ZKSCAN4: variants seen among roughly 807,000 people sequenced by gnomAD.
ZKSCAN4 encodes the protein zinc finger protein with KRAB and SCAN domains 4.
In ZKSCAN4, 23 loss-of-function variants were observed where a neutral mutation model predicts 30.8. That is an observed-to-expected ratio of 0.75 (90% CI 0.54 to 1.06). ZKSCAN4 has a LOEUF of 1.06. ZKSCAN4 is among the 50% of genes least tolerant of loss of function. The probability of loss-of-function intolerance (pLI) is 0.00; values close to 1 mark genes in which losing one functional copy is unlikely to be tolerated. For missense variants in ZKSCAN4, 556 were observed against 665.4 expected (o/e 0.84, Z 1.81); for synonymous variants, 208 against 252.5 (o/e 0.82, Z 1.67).
At position 28,243,622 on chromosome 6, in the gene ZKSCAN4, C is replaced by G. The variant is rs1222940598; in HGVS notation, c.*1494G>C. On this transcript the variant is annotated 3_prime_UTR_variant, in exon 5 of 5. Transcript: ENST00000377294. ...TTGTACAATCTTTTTCATCAGATAC[C>G]TAGGATTCCCAATGTGCTTCTGAAC... Among the ~76,000 whole-genome samples, 1 of 151,856 alleles carries G rather than the reference C, an allele frequency of 6.6e-6. No individual in the cohort carries two copies. The highest frequency in any genetic ancestry group is 1.9e-4 in the East Asian group (1 of 5,202).
chr6:28,248,859 A>G (rs1327747791), intron 2 of ZKSCAN4, among the ~76,000 whole-genome samples: 2 of 151,752 alleles, frequency 1.3e-5, no homozygotes, highest in Non-Finnish European at 2.9e-5. Context: ...AAAGAAAAAG[A>G]AAAACTAGGA....
intron 2 of ZKSCAN4, among the ~76,000 whole-genome samples, chr6:28,248,918 G>C (rs1760871800): frequency 6.6e-6 from 1 of 151,984 alleles, no homozygotes. Context: ...AAGACTGGAA[G>C]ACTGCTTAAA....
chr6:28,252,081 T>TC lies in ZKSCAN4; in HGVS notation c.-102dup. ...AATTTTCCAGTAGAACTGCAAGTGG[T>TC]CCCCCTCCTGTCATGCCCAGGGGCC... On this transcript the variant is annotated 5_prime_UTR_variant, in exon 1 of 5. An upstream open reading frame in the 5' UTR loses its in-frame stop. Transcript: ENST00000377294. 7.5e-7 allele frequency: 1 copy of TC among 1,331,678 alleles called. No homozygotes were observed. The highest frequency in any genetic ancestry group is 1.0e-6 in the Non-Finnish European group (1 of 984,194). The allele number at this position is 1,331,678 out of a possible 1,614,324, so 82.5% of individuals were successfully genotyped here. A position where few individuals can be genotyped will look rare whatever the true frequency, so the allele number is the denominator to read the frequency against.
upstream of ZKSCAN4, among the ~76,000 whole-genome samples, chr6:28,252,581 C>T (rs981861050): frequency 2.6e-5 from 4 of 152,130 alleles, no homozygotes; most frequent in African/African-American, 9.7e-5. Context: ...GCCCCAAGAA[C>T]CCTGGCAGGG....
Position 28,252,109 on chromosome 6 carries a change from G to C in ZKSCAN4, c.-129C>G, listed in dbSNP as rs1390380842. 7 of 1,019,768 alleles carry C rather than the reference G, an allele frequency of 6.9e-6. No homozygotes were observed. The highest frequency in any genetic ancestry group is 8.5e-6 in the Non-Finnish European group (6 of 708,522). The allele number at this position is 1,019,768 out of a possible 1,614,324, so 63.2% of individuals were successfully genotyped here. A position where few individuals can be genotyped will look rare whatever the true frequency, so the allele number is the denominator to read the frequency against. On this transcript the variant is annotated 5_prime_UTR_variant, in exon 1 of 5. Coordinates refer to ENST00000377294, the MANE Select transcript of ZKSCAN4 (RefSeq NM_019110.5). ...CCCTCCTGTCATGCCCAGGGGCCCA[G>C]GACACCCCCTGAGGCGCAGCTGCAC...
In ZKSCAN4 at chr6:28,245,261, C is replaced by T. The variant is rs1283539647; in HGVS notation, c.1493G>A (p.Arg498Gln). 2.1e-5 allele frequency: 34 copies of T among 1,612,282 alleles called. No individual in the cohort carries two copies. Among genetic ancestry groups the T allele is most frequent in the Non-Finnish European group, 2.5e-5 (29 of 1,179,492 alleles). The change falls in exon 5 of 5, where the codon CGG becomes CAG. Residue 498 changes from arginine to glutamine, a missense_variant. Arg to Gln is a conservative substitution (Grantham distance 43). Around this residue, in one of 3 missense-constraint regions of ZKSCAN4, gnomAD observed 433 missense variants for 511.5 expected, o/e 0.85. Coordinates refer to ENST00000377294, the MANE Select transcript of ZKSCAN4 (RefSeq NM_019110.5). ...KCNECERSFT[R>Q]NRSLIEHQKI... ...CTGATGTTCAATAAGACTTCTATTC[C>T]GTGTGAAACTTCTCTCACACTCATT... is the stretch of plus-strand genomic sequence containing the variant.
chr6:28,254,447 T>C (rs1220965776), upstream of ZKSCAN4, among the ~76,000 whole-genome samples: 1 of 152,206 alleles, frequency 6.6e-6, no homozygotes, highest in Non-Finnish European at 1.5e-5. Flanking sequence ...CTGGTGGGTA[T>C]GTCTGGTGGA....
rs1368385335 is a variant in ZKSCAN4, at chr6:28,252,218, T to C, written c.-238A>G. ...CCACAGTAAGTATCACCAAAGGATGTCTTTGGGAGTGAAAGTGATCACTCT... is the reference window on the plus strand; with the variant it reads ...CCACAGTAAGTATCACCAAAGGATGCCTTTGGGAGTGAAAGTGATCACTCT... On this transcript the variant is annotated 5_prime_UTR_variant, in exon 1 of 5. Coordinates refer to ENST00000377294, the MANE Select transcript of ZKSCAN4 (RefSeq NM_019110.5). The C allele has an allele frequency of 5.3e-6, 2 of 375,256 alleles. No homozygotes were observed. The highest frequency in any genetic ancestry group is 2.1e-5 in the African/African-American group (1 of 48,174). The allele number at this position is 375,256 out of a possible 1,614,324, so 23.2% of individuals were successfully genotyped here. A position where few individuals can be genotyped will look rare whatever the true frequency, so the allele number is the denominator to read the frequency against.
At chr6:28,250,525 T>G (rs1252603743) in intron 1 of ZKSCAN4, among the ~76,000 whole-genome samples, 1 of 142,080 alleles carries the variant, frequency 7.0e-6, no homozygotes, top group African/African-American at 2.9e-5. Context: ...GAAAACCCTT[T>G]GGACACTGGT....
At chr6:28,246,839 A>C (rs1760754967) in intron 4 of ZKSCAN4, 130 bp downstream of exon 4, 1 of 1,145,488 alleles carries the variant, frequency 8.7e-7, no homozygotes, top group South Asian at 1.7e-5. Flanking sequence ...AGTAGTCAGT[A>C]ACAGGCTTTC....
In ZKSCAN4 at chr6:28,244,700, A is replaced by T. The variant is rs139276260; in HGVS notation, c.*416T>A. 1 of 230,730 alleles carries T rather than the reference A, an allele frequency of 4.3e-6. No individual in the cohort carries two copies. Among genetic ancestry groups the T allele is most frequent in the African/African-American group, 2.3e-5 (1 of 44,156 alleles). The allele number at this position is 230,730 out of a possible 1,614,324, so 14.3% of individuals were successfully genotyped here. A position where few individuals can be genotyped will look rare whatever the true frequency, so the allele number is the denominator to read the frequency against. On this transcript the variant is annotated 3_prime_UTR_variant, in exon 5 of 5. Transcript: ENST00000377294. ...GCACCTATCATACAAGGCACAAAGAAGAGTAAAAGACCTCATGGATCTGAC... is the reference window on the plus strand; with the variant it reads ...GCACCTATCATACAAGGCACAAAGATGAGTAAAAGACCTCATGGATCTGAC...
rs755177720 is a variant in ZKSCAN4 at position 28,249,829 on chromosome 6, G to A, written c.429C>T (p.Pro143=). Reference sequence around the variant, plus strand: ...GCAGTTCTTGCCCCTGGTCACCAACGGGAACCTAGAAGTCACGATTTTTAG... The same window carrying A: ...GCAGTTCTTGCCCCTGGTCACCAACAGGAACCTAGAAGTCACGATTTTTAG... ...RQLDEPAPQV[P]VGDQGQELLC... is the part of the protein sequence containing the mutation. Residue 143 remains proline (P), a synonymous_variant, in exon 2 of 5, where the codon CCC becomes CCT. Transcript: ENST00000377294. This position sits in a 1 kb window ranked among gnomAD's most constrained non-coding sequence, Gnocchi z 4.1. The A allele has an allele frequency of 5.6e-6, 9 of 1,613,518 alleles. No homozygotes were observed. Among genetic ancestry groups the A allele is most frequent in the Admixed American group, 3.3e-5 (2 of 59,890 alleles).
In ZKSCAN4 at chr6:28,242,223, G is replaced by C. The variant is rs1561852226; in HGVS notation, c.*2893C>G. ...ATACTGCTTATATCTCAACTAAGTA[G>C]TTTACTTTACTAGATCTAATTTCAT... On this transcript the variant is annotated 3_prime_UTR_variant, in exon 5 of 5. Coordinates refer to ENST00000377294, the MANE Select transcript of ZKSCAN4 (RefSeq NM_019110.5). Among the ~76,000 whole-genome samples the C allele has an allele frequency of 1.3e-5, 2 of 152,062 alleles. No homozygotes were observed.
chr6:28,251,744 T>C lies in ZKSCAN4; in HGVS notation c.237A>G (p.Gly79=), dbSNP rs778848587. 6.2e-7 allele frequency: 1 copy of C among 1,614,228 alleles called. No individual in the cohort carries two copies. The highest frequency in any genetic ancestry group is 1.1e-5 in the South Asian group (1 of 91,082). ...TGTGCATCTCAGGCTGCAGCCATTG[T>C]CCGCAGAGTTCTCGGAGCCGGCTCA... ...EALSRLRELC[G]QWLQPEMHSK... The change falls in exon 1 of 5, where the codon GGA becomes GGG. Residue 79 remains glycine (G), a synonymous_variant. Coordinates refer to ENST00000377294, the MANE Select transcript of ZKSCAN4 (RefSeq NM_019110.5). This position sits in a 1 kb window ranked among gnomAD's most constrained non-coding sequence, Gnocchi z 4.5.
chr6:28,256,912 C>A (rs1007798212), upstream of ZKSCAN4, among the ~76,000 whole-genome samples: 2 of 151,988 alleles, frequency 1.3e-5, no homozygotes, highest in Non-Finnish European at 1.5e-5. Flanking sequence ...AATTTAGTAA[C>A]GTGAAAATCA....
In ZKSCAN4 at chr6:28,252,050, G is replaced by T. The variant is rs1179348950; in HGVS notation, c.-70C>A. ...TATATCTTCAGAGGATTCTGGAAGG[G>T]TGGTAAATTTTCCAGTAGAACTGCA... On this transcript the variant is annotated 5_prime_UTR_variant, in exon 1 of 5. Coordinates refer to ENST00000377294, the MANE Select transcript of ZKSCAN4 (RefSeq NM_019110.5). The T allele has an allele frequency of 4.7e-6, 7 of 1,477,436 alleles. No homozygotes were observed. Among genetic ancestry groups the T allele is most frequent in the Non-Finnish European group, 6.3e-6 (7 of 1,110,418 alleles). The allele number at this position is 1,477,436 out of a possible 1,614,324, so 91.5% of individuals were successfully genotyped here. A position where few individuals can be genotyped will look rare whatever the true frequency, so the allele number is the denominator to read the frequency against.
chr6:28,249,819 G>A lies in ZKSCAN4; in HGVS notation c.439C>T (p.Gln147Ter). ...TTGCAACAGAGCAGTTCTTGCCCCT[G>A]GTCACCAACGGGAACCTAGAAGTCA... ...EPAPQVPVGD[Q>*]GQELLCCKMA... Residue 147 changes from glutamine to a stop codon, truncating the protein, a stop_gained, in exon 2 of 5, where the codon CAG (glutamine) becomes TAG (stop). Transcript: ENST00000377294. LOFTEE classifies it high-confidence loss of function. The surrounding 1 kb of genome is among the most constrained non-coding windows in gnomAD (Gnocchi z 4.1). The A allele has an allele frequency of 6.2e-7, 1 of 1,613,690 alleles. No individual in the cohort carries two copies. Among genetic ancestry groups the A allele is most frequent in the Non-Finnish European group, 8.5e-7 (1 of 1,179,902 alleles).
At chr6:28,252,562 T>A (rs748059050), upstream of ZKSCAN4, among the ~76,000 whole-genome samples, 1 of 151,536 alleles carries the variant, frequency 6.6e-6, no homozygotes, top group Non-Finnish European at 1.5e-5. Context: ...AAAGCAGGGG[T>A]TCCCCAGAGC....
At chr6:28,258,866 T>TAACAAG in the ZKSCAN4 span, among the ~76,000 whole-genome samples, 8,080 of 151,850 alleles carry the variant, frequency 0.053, 257 homozygotes, top group East Asian at 0.12. Flanking sequence ...CTTCCAGTGG[T>TAACAAG]AACAAGGGGG....
Sources: allele counts gnomAD v4.1 joint callset (sites outside exome capture counted in the v4.1 genomes callset), GRCh38; gene constraint gnomAD v4.1.1; regional missense constraint gnomAD v4.1.1; non-coding constraint Gnocchi (gnomAD v3.1); transcripts MANE v1.5; gene names NCBI Gene and HGNC (gene_info 2026-07-23, HGNC 2026-07-21).